The following ZNF827 variants were observed in gnomAD, a reference collection of about 807,000 sequenced individuals.
ZNF827 encodes zinc finger protein 827.
Under a neutral mutation model 102.4 loss-of-function variants are expected in ZNF827, and 13 were observed. The ratio of observed to expected loss-of-function variants is 0.13; its 90% CI spans 0.08 to 0.20. The LOEUF is 0.20. ZNF827 is among the 10% of genes least tolerant of loss of function. The probability of loss-of-function intolerance (pLI) is 1.00; values close to 1 mark genes in which losing one functional copy is unlikely to be tolerated. For synonymous variants in ZNF827, 523 were observed against 536.2 expected (o/e 0.98, Z 0.34); for missense variants, 1,103 against 1,344.4 (o/e 0.82, Z 2.81).
chr4:145,761,130 C>A lies in ZNF827; in HGVS notation c.*486G>T. The A allele has an allele frequency of 5.4e-6, 7 of 1,289,616 alleles. No homozygotes were observed. The highest frequency in any genetic ancestry group is 7.1e-6 in the Non-Finnish European group (7 of 988,702). 79.9% of individuals were successfully genotyped at this position (1,289,616 alleles called of 1,614,324 possible). A position where few individuals can be genotyped will look rare whatever the true frequency, so the allele number is the denominator to read the frequency against. On this transcript the variant is annotated 3_prime_UTR_variant, in exon 15 of 15. Transcript: ENST00000508784. This position sits in a 1 kb window ranked among gnomAD's most constrained non-coding sequence, Gnocchi z 6.8. ...TCCCGACCACCAGGAGCGGGGCCCC[C>A]GGGCCGGCCGGTTCCTTGGGGGCTG...
chr4:145,883,261 AG>A (rs1447328680), intron 4 of ZNF827, among the ~76,000 whole-genome samples: 1 of 152,198 alleles, frequency 6.6e-6, no homozygotes, highest in African/African-American at 2.4e-5. Flanking sequence ...GTCAGGTTTC[AG>A]GACCTCCAGT....
intron 5 of ZNF827, 33 bp from the exon 6 acceptor site, chr4:145,849,594 A>G (rs1270683053): frequency 6.2e-7 from 1 of 1,610,540 alleles, no homozygotes; most frequent in African/African-American, 1.3e-5. Flanking sequence ...AAACAAAAAC[A>G]CCACCATTTC....
intron 7 of ZNF827, among the ~76,000 whole-genome samples, chr4:145,843,950 G>A (rs765422046): frequency 1.3e-5 from 2 of 152,152 alleles, no homozygotes; most frequent in Non-Finnish European, 1.5e-5. Context: ...GTTCCTCTGA[G>A]AGCATTCCCT....
At chr4:145,850,160 C>A (rs1324189658) in intron 5 of ZNF827, among the ~76,000 whole-genome samples, 2 of 152,054 alleles carry the variant, frequency 1.3e-5, no homozygotes, top group African/African-American at 4.8e-5. Context: ...CAGGCACCTG[C>A]CACAATATTC....
intron 2 of ZNF827, among the ~76,000 whole-genome samples, chr4:145,901,101 T>C (rs2126882287): frequency 6.6e-6 from 1 of 152,336 alleles, no homozygotes; most frequent in Admixed American, 6.5e-5. Context: ...CATAAATGCA[T>C]CAAATTGACA....
intron 8 of ZNF827, among the ~76,000 whole-genome samples, chr4:145,818,568 ATC>A (rs141967352): frequency 0.028 from 4,305 of 152,346 alleles, 80 homozygotes; most frequent in Middle Eastern, 0.085. Flanking sequence ...TCTATTGTTT[ATC>A]TATGACTTTG....
At chr4:145,877,768 AACCC>A (rs750544755) in intron 4 of ZNF827, among the ~76,000 whole-genome samples, 6 of 152,224 alleles carry the variant, frequency 3.9e-5, no homozygotes, top group Non-Finnish European at 7.3e-5. Context: ...TACTAAAACC[AACCC>A]ACAAAGGGCA....
rs1229127090 is a variant in ZNF827, at chr4:145,761,019, G to A, written c.*597C>T. On this transcript the variant is annotated 3_prime_UTR_variant, in exon 15 of 15. Transcript: ENST00000508784. This position sits in a 1 kb window ranked among gnomAD's most constrained non-coding sequence, Gnocchi z 6.8. ...TGAGTGCCAGGTTGGGCTCTGAGCTGCTGCCGTGGGCTGCCGACAGGGCCA... is the reference window on the plus strand; with the variant it reads ...TGAGTGCCAGGTTGGGCTCTGAGCTACTGCCGTGGGCTGCCGACAGGGCCA... 1.6e-6 allele frequency: 2 copies of A among 1,277,960 alleles called. No individual in the cohort carries two copies. The highest frequency in any genetic ancestry group is 3.1e-5 in the African/African-American group (2 of 65,518). The allele number at this position is 1,277,960 out of a possible 1,614,324, so 79.2% of individuals were successfully genotyped here. A position where few individuals can be genotyped will look rare whatever the true frequency, so the allele number is the denominator to read the frequency against.
At chr4:145,931,322 A>G (rs1008898604) in intron 1 of ZNF827, among the ~76,000 whole-genome samples, 1 of 152,242 alleles carries the variant, frequency 6.6e-6, no homozygotes, top group Non-Finnish European at 1.5e-5. Context: ...AGGAGACAGA[A>G]AAGTGTATCT....
chr4:145,860,058 T>A (rs1260774726), intron 5 of ZNF827, among the ~76,000 whole-genome samples: 3 of 152,182 alleles, frequency 2.0e-5, no homozygotes, highest in Non-Finnish European at 2.9e-5. Context: ...TCACAGCTCT[T>A]TGGAAAAAAA....
chr4:145,841,389 T>TAC (rs1745402086), intron 7 of ZNF827, among the ~76,000 whole-genome samples: 2 of 152,372 alleles, frequency 1.3e-5, no homozygotes, highest in Non-Finnish European at 1.5e-5. Flanking sequence ...CTCATGTATT[T>TAC]TCATCTACCA....
chr4:145,892,000 G>A (rs558585737), intron 3 of ZNF827, among the ~76,000 whole-genome samples: 2 of 152,312 alleles, frequency 1.3e-5, no homozygotes, highest in East Asian at 1.9e-4. Context: ...GGAGAGGACC[G>A]CCCTCCAGTA....
At chr4:145,799,341 A>G (rs537127106) in intron 8 of ZNF827, among the ~76,000 whole-genome samples, 1 of 152,226 alleles carries the variant, frequency 6.6e-6, no homozygotes, top group African/African-American at 2.4e-5. Flanking sequence ...AGTGTGTAAC[A>G]TATATATGAC....
At chr4:145,868,588 A>G (rs1008097767) in intron 5 of ZNF827, among the ~76,000 whole-genome samples, 1 of 152,230 alleles carries the variant, frequency 6.6e-6, no homozygotes. Context: ...TGTTTGGGGG[A>G]TATCATTATT....
chr4:145,792,409 T>A (rs1372659547), intron 8 of ZNF827, among the ~76,000 whole-genome samples: 2 of 152,096 alleles, frequency 1.3e-5, no homozygotes, highest in Non-Finnish European at 2.9e-5. Context: ...ATGGCATTAC[T>A]ACTGTCAATA....
chr4:145,831,313 C>T lies in ZNF827; in HGVS notation c.2280-7788G>A, dbSNP rs967235533. On this transcript the variant is annotated intron_variant, in intron 7 of 14. Coordinates refer to ENST00000508784, the MANE Select transcript of ZNF827 (RefSeq NM_001306215.2). ...GACCCCAGTGGGTTAGGCCTGAAAA[C>T]TCGGTCATTGATCATGTTGGGCTCA... is the stretch of plus-strand genomic sequence containing the variant. 30 of 152,182 alleles carry T rather than the reference C, an allele frequency of 2.0e-4. 2 individuals carry two copies. Among genetic ancestry groups the T allele is most frequent in the Admixed American group, 1.8e-3 (28 of 15,284 alleles). The allele number at this position is 152,182 out of a possible 1,614,324, so 9.4% of individuals were successfully genotyped here.
At chr4:145,882,655 G>C (rs1025309107) in intron 4 of ZNF827, among the ~76,000 whole-genome samples, 5 of 152,184 alleles carry the variant, frequency 3.3e-5, no homozygotes, top group Non-Finnish European at 7.3e-5. Flanking sequence ...AACCAGGCAA[G>C]AAAGCATCAA....
At chr4:145,866,916 G>A (rs1336497575) in intron 5 of ZNF827, among the ~76,000 whole-genome samples, 1 of 152,144 alleles carries the variant, frequency 6.6e-6, no homozygotes, top group Non-Finnish European at 1.5e-5. Context: ...TGATAACACA[G>A]CTATCCCATA....
chr4:145,907,964 T>G (rs1374720147), intron 1 of ZNF827, among the ~76,000 whole-genome samples: 1 of 152,208 alleles, frequency 6.6e-6, no homozygotes, highest in African/African-American at 2.4e-5. Context: ...TTCCACTACC[T>G]AACACATTTA....
Sources: gnomAD v4.1 joint callset for allele counts (sites outside exome capture counted in the v4.1 genomes callset) on GRCh38, gnomAD v4.1.1 for gene constraint, Gnocchi (gnomAD v3.1) non-coding constraint, MANE v1.5 for transcripts, NCBI Gene and HGNC (gene_info 2026-07-23, HGNC 2026-07-21) for gene names.